Variants in ZNF215 observed in about 807,000 individuals in gnomAD.
ZNF215 encodes the protein BWSCR2-associated zinc finger protein 2.
Under a neutral mutation model 27.2 loss-of-function variants are expected in ZNF215, and 24 were observed. The ratio of observed to expected loss-of-function variants is 0.88; its 90% CI spans 0.64 to 1.24. The LOEUF (loss-of-function observed/expected upper bound fraction) is 1.24, where lower values mean the gene tolerates loss of function less well. Ranked by LOEUF, ZNF215 falls within the 50% of genes most tolerant of loss-of-function variation. ZNF215 has a pLI of 0.00. For synonymous variants in ZNF215, 210 were observed against 204.0 expected (o/e 1.03, Z -0.25); for missense variants, 675 against 605.7 (o/e 1.11, Z -1.20).
chr11:6,932,625 A>T lies in ZNF215; in HGVS notation c.353A>T (p.Asp118Val). The change falls in exon 3 of 7, where the codon GAT becomes GTT. Residue 118 changes from aspartate (D) to valine (V), a missense_variant. Transcript: ENST00000278319. ...VNLQHPNNSK[D>V]MVTLIEDVIE... is the part of the protein sequence containing the mutation. Reference sequence around the variant, plus strand: ...TTACAACATCCAAACAACAGTAAAGATATGGTGACCCTCATAGAAGATGTG... The same window carrying T: ...TTACAACATCCAAACAACAGTAAAGTTATGGTGACCCTCATAGAAGATGTG... 6.2e-7 allele frequency: 1 copy of T among 1,614,066 alleles called. No individual in the cohort carries two copies.
At chr11:6,969,880 A>G (rs1010922880) in intron 5 of ZNF215, among the ~76,000 whole-genome samples, 4 of 152,186 alleles carry the variant, frequency 2.6e-5, no homozygotes, top group Non-Finnish European at 4.4e-5. Flanking sequence ...TCCTGGGCAC[A>G]AGCAATTCTC....
chr11:6,953,078 C>T (rs1850147651), intron 6 of ZNF215, among the ~76,000 whole-genome samples: 1 of 152,192 alleles, frequency 6.6e-6, no homozygotes, highest in South Asian at 2.1e-4. Context: ...TCTCTTCTGG[C>T]TTGTAGAGTT....
At chr11:6,927,561 C>T (rs1849100099) in intron 1 of ZNF215, 101 bp from the exon 2 acceptor site, 1 of 152,270 alleles carries the variant, frequency 6.6e-6, no homozygotes, top group Non-Finnish European at 1.5e-5. Context: ...CACAGTGGTA[C>T]TGGCTCCGTG....
At position 6,956,368 on chromosome 11, in the gene ZNF215, G is replaced by A; in HGVS notation, c.1391G>A (p.Cys464Tyr). The A allele has an allele frequency of 6.2e-7, 1 of 1,614,156 alleles. No individual in the cohort carries two copies. The highest frequency in any genetic ancestry group is 1.7e-5 in the Admixed American group (1 of 60,024). The change falls in exon 7 of 7, where the codon TGT becomes TAT. Residue 464 changes from cysteine (C) to tyrosine (Y), a missense_variant. Transcript: ENST00000278319. ...TLHFGNNFYQ[C>Y]VNCGKSFNRS... Reference sequence around the variant, plus strand: ...CATTTTGGAAACAATTTCTATCAATGTGTTAACTGTGGAAAATCCTTCAAC... The same window carrying A: ...CATTTTGGAAACAATTTCTATCAATATGTTAACTGTGGAAAATCCTTCAAC...
chr11:6,931,848 G>A (rs1276752040), intron 2 of ZNF215, among the ~76,000 whole-genome samples: 3 of 152,080 alleles, frequency 2.0e-5, no homozygotes, highest in African/African-American at 7.2e-5. Context: ...ATTCAATTAC[G>A]AAGTTTTTTT....
downstream of ZNF215, among the ~76,000 whole-genome samples, chr11:6,993,508 T>G (rs778242236): frequency 2.3e-4 from 35 of 150,972 alleles, no homozygotes; most frequent in Non-Finnish European, 4.2e-4. Context: ...GAGATGGAAA[T>G]TTGGTGTTTT....
chr11:6,959,965 A>G (rs1039136598), downstream of ZNF215, among the ~76,000 whole-genome samples: 2 of 152,082 alleles, frequency 1.3e-5, no homozygotes, highest in African/African-American at 4.8e-5. Flanking sequence ...TATATCATAT[A>G]CAGATGTATA....
chr11:6,939,056 T>C (rs929609016), intron 3 of ZNF215, among the ~76,000 whole-genome samples: 3 of 152,164 alleles, frequency 2.0e-5, no homozygotes, highest in Middle Eastern at 3.4e-3. Flanking sequence ...GAAGTAAAAA[T>C]TGAAAGGATA....
At chr11:6,980,560 T>C (rs576923775) in intron 5 of ZNF215, among the ~76,000 whole-genome samples, 4 of 152,190 alleles carry the variant, frequency 2.6e-5, no homozygotes, top group Admixed American at 2.6e-4. Context: ...GTAATAAAAA[T>C]CAGCCAGTCA....
At chr11:6,967,135 T>A (rs565976510) in intron 5 of ZNF215, among the ~76,000 whole-genome samples, 1 of 152,168 alleles carries the variant, frequency 6.6e-6, no homozygotes, top group Non-Finnish European at 1.5e-5. Context: ...GCAAAGGACA[T>A]AAACTCATCC....
At chr11:6,971,411 T>C (rs542775607) in intron 5 of ZNF215, among the ~76,000 whole-genome samples, 7 of 152,270 alleles carry the variant, frequency 4.6e-5, no homozygotes, top group Admixed American at 3.9e-4. Context: ...ACAGTCTTTT[T>C]ATTGCAGTTT....
intron 5 of ZNF215, among the ~76,000 whole-genome samples, chr11:6,976,341 G>A (rs1039813803): frequency 1.3e-5 from 2 of 151,968 alleles, no homozygotes; most frequent in African/African-American, 4.8e-5. Flanking sequence ...AATATGAAAT[G>A]TTGACACAGA....
At chr11:6,992,059 T>C (rs1275012032), downstream of ZNF215, among the ~76,000 whole-genome samples, 1 of 152,188 alleles carries the variant, frequency 6.6e-6, no homozygotes, top group Non-Finnish European at 1.5e-5. Context: ...AAGTTTCTAC[T>C]CTTGAGCTCT....
At chr11:6,929,702 G>A (rs1849183313) in intron 2 of ZNF215, among the ~76,000 whole-genome samples, 1 of 152,070 alleles carries the variant, frequency 6.6e-6, no homozygotes, top group Non-Finnish European at 1.5e-5. Context: ...ATGACTTATC[G>A]CTATTAATGT....
chr11:6,936,892 A>G (rs1849455595), intron 3 of ZNF215, among the ~76,000 whole-genome samples: 1 of 145,616 alleles, frequency 6.9e-6, no homozygotes, highest in African/African-American at 2.5e-5. Flanking sequence ...TTTATGACCA[A>G]AAAAAAAAAA....
At chr11:6,979,915 C>T (rs1305570642) in intron 5 of ZNF215, among the ~76,000 whole-genome samples, 1 of 151,968 alleles carries the variant, frequency 6.6e-6, no homozygotes, top group African/African-American at 2.4e-5. Flanking sequence ...TTTTTAAAAG[C>T]TTATTTATTT....
At chr11:6,965,559 G>A (rs1017788286) in intron 5 of ZNF215, among the ~76,000 whole-genome samples, 3 of 152,078 alleles carry the variant, frequency 2.0e-5, no homozygotes, top group African/African-American at 7.2e-5. Flanking sequence ...TGTAAACATG[G>A]TGTGTCTTAA....
At chr11:6,960,948 T>A (rs1422699464), downstream of ZNF215, among the ~76,000 whole-genome samples, 1 of 152,170 alleles carries the variant, frequency 6.6e-6, no homozygotes, top group East Asian at 1.9e-4. Flanking sequence ...AGTTTTGTTA[T>A]TAGCTGTAGG....
chr11:6,979,028 A>G (rs1850890554), intron 5 of ZNF215, among the ~76,000 whole-genome samples: 2 of 152,008 alleles, frequency 1.3e-5, no homozygotes, highest in East Asian at 3.9e-4. Flanking sequence ...CGTGTCCCCC[A>G]TTGCCTAAAT....
Sources: allele counts gnomAD v4.1 joint callset (sites outside exome capture counted in the v4.1 genomes callset), GRCh38; gene constraint gnomAD v4.1.1; transcripts MANE v1.5; gene names NCBI Gene and HGNC (gene_info 2026-07-23, HGNC 2026-07-21).